The following PHKB variants were observed in gnomAD, a reference collection of about 807,000 sequenced individuals.
PHKB encodes the protein phosphorylase kinase regulatory subunit beta.
In PHKB, 122 loss-of-function variants were observed where a neutral mutation model predicts 152.1. The observed-to-expected ratio is 0.80, with a 90% CI of 0.69 to 0.93. The LOEUF is 0.93. Among genes scored for constraint, PHKB ranks in the 40% least tolerant of loss-of-function variants. The pLI, the probability that PHKB is intolerant of heterozygous loss-of-function variation, is 0.00. For synonymous variants in PHKB, 436 were observed against 464.9 expected (o/e 0.94, Z 0.80); for missense variants, 1,304 against 1,328.4 (o/e 0.98, Z 0.29).
In PHKB at chr16:47,675,210, C is replaced by T. The variant is rs115605259; in HGVS notation, c.2630+5793C>T. On this transcript the variant is annotated intron_variant, in intron 26 of 30. Transcript: ENST00000323584. ...CAGGATTTGGAACTAGTGTGAGTGACGCAGAGTTCATGCTCCCCAACCCCT... is the reference window on the plus strand; with the variant it reads ...CAGGATTTGGAACTAGTGTGAGTGATGCAGAGTTCATGCTCCCCAACCCCT... Among the ~76,000 whole-genome samples, 553 of 152,250 alleles carry T rather than the reference C, an allele frequency of 3.6e-3. 5 individuals carry two copies. Among genetic ancestry groups the T allele is most frequent in the African/African-American group, 0.013 (538 of 41,566 alleles).
At chr16:47,461,574 T>C in intron 1 of PHKB, 148 bp downstream of exon 1, 2 of 790,698 alleles carry the variant, frequency 2.5e-6, no homozygotes, top group Non-Finnish European at 4.2e-6. Context: ...CCTGGCCTTG[T>C]TTCTAATATC....
chr16:47,576,261 A>G (rs1467029904), intron 7 of PHKB, among the ~76,000 whole-genome samples: 1 of 152,170 alleles, frequency 6.6e-6, no homozygotes, highest in Non-Finnish European at 1.5e-5. Flanking sequence ...TTTGTCATAA[A>G]TAGATGTTGA....
chr16:47,692,675 CA>C (rs1326342784), intron 27 of PHKB, among the ~76,000 whole-genome samples: 6 of 151,954 alleles, frequency 3.9e-5, no homozygotes, highest in African/African-American at 1.5e-4. Flanking sequence ...TCAACTTTTG[CA>C]AGAATATTTT....
chr16:47,489,932 A>G (rs1482081460), intron 1 of PHKB, among the ~76,000 whole-genome samples: 1 of 152,056 alleles, frequency 6.6e-6, no homozygotes, highest in Non-Finnish European at 1.5e-5. Context: ...TTCCAGGTTC[A>G]TGAGGAATCA....
intron 26 of PHKB, among the ~76,000 whole-genome samples, chr16:47,682,364 A>C (rs1973876499): frequency 6.6e-6 from 1 of 152,124 alleles, no homozygotes; most frequent in African/African-American, 2.4e-5. Flanking sequence ...GTGTTTTCCA[A>C]CTTGGTTCCA....
chr16:47,608,057 A>G (rs923895370), intron 13 of PHKB, among the ~76,000 whole-genome samples: 3 of 150,574 alleles, frequency 2.0e-5, no homozygotes, highest in African/African-American at 7.3e-5. Flanking sequence ...TTATGTTGTT[A>G]TGAATTCTTT....
intron 14 of PHKB, among the ~76,000 whole-genome samples, chr16:47,629,661 A>G (rs961149779): frequency 5.9e-5 from 9 of 152,018 alleles, no homozygotes; most frequent in South Asian, 2.1e-4. Flanking sequence ...TGACCCAGCC[A>G]TCCCATTACT....
chr16:47,637,781 G>A (rs553080960), intron 14 of PHKB, among the ~76,000 whole-genome samples: 25 of 152,098 alleles, frequency 1.6e-4, no homozygotes, highest in Admixed American at 6.5e-4. Flanking sequence ...GTTTGTTCAG[G>A]TTGCTATAAC....
At chr16:47,646,476 C>A (rs112688808) in intron 16 of PHKB, among the ~76,000 whole-genome samples, 2 of 115,894 alleles carry the variant, frequency 1.7e-5, no homozygotes, top group Admixed American at 9.6e-5. Context: ...CACATGTATA[C>A]ATATGTAACT....
intron 28 of PHKB, among the ~76,000 whole-genome samples, chr16:47,695,619 T>A (rs926931224): frequency 6.6e-6 from 1 of 152,216 alleles, no homozygotes; most frequent in Non-Finnish European, 1.5e-5. Context: ...CTGTAAACTA[T>A]CACTGAGGTG....
At chr16:47,577,295 C>A (rs555229352) in intron 7 of PHKB, among the ~76,000 whole-genome samples, 2 of 152,098 alleles carry the variant, frequency 1.3e-5, no homozygotes, top group Admixed American at 1.3e-4. Flanking sequence ...TGTCTTATTA[C>A]CATTCTGAAT....
chr16:47,523,466 C>T (rs1044871894), intron 6 of PHKB, among the ~76,000 whole-genome samples: 6 of 152,178 alleles, frequency 3.9e-5, no homozygotes, highest in Admixed American at 3.9e-4. Flanking sequence ...AGTCTCCTAG[C>T]CTTTGCAGAG....
intron 7 of PHKB, among the ~76,000 whole-genome samples, chr16:47,568,476 C>T (rs934902879): frequency 1.3e-5 from 2 of 152,090 alleles, no homozygotes; most frequent in African/African-American, 4.8e-5. Context: ...TTCAAAGAAC[C>T]AACCTGTTGT....
intron 1 of PHKB, among the ~76,000 whole-genome samples, chr16:47,470,086 G>A (rs555530580): frequency 2.8e-4 from 43 of 152,244 alleles, no homozygotes; most frequent in African/African-American, 1.0e-3. Flanking sequence ...CAGTTTGGTT[G>A]GGGAGACCCT....
In PHKB at chr16:47,485,576, G is replaced by A. The variant is rs113290138; in HGVS notation, c.77-11823G>A. ...TTTCCTGAACACTGCTTCTTGGTCA[G>A]GACTTCATACATAGCAGAGCAACTT... is the stretch of plus-strand genomic sequence containing the variant. On this transcript the variant is annotated intron_variant, in intron 1 of 30. Transcript: ENST00000323584. Among the ~76,000 whole-genome samples the A allele has an allele frequency of 5.5e-4, 83 of 152,256 alleles. 2 individuals are homozygous for A. The highest frequency in any genetic ancestry group is 1.9e-3 in the African/African-American group (77 of 41,546).
intron 6 of PHKB, among the ~76,000 whole-genome samples, chr16:47,540,023 T>C (rs1208406229): frequency 6.6e-6 from 1 of 152,232 alleles, no homozygotes; most frequent in Non-Finnish European, 1.5e-5. Flanking sequence ...ATTTTACTTC[T>C]TGCAGAGAGC....
intron 1 of PHKB, among the ~76,000 whole-genome samples, chr16:47,478,354 G>A (rs1440609447): frequency 2.6e-5 from 4 of 151,974 alleles, no homozygotes; most frequent in African/African-American, 7.2e-5. Flanking sequence ...AGAGTGCAGC[G>A]ACCAATACCA....
intron 26 of PHKB, among the ~76,000 whole-genome samples, chr16:47,673,846 G>A (rs1173840099): frequency 6.6e-6 from 1 of 152,096 alleles, no homozygotes; most frequent in African/African-American, 2.4e-5. Flanking sequence ...TTTGAAGTAG[G>A]CACTAGAACC....
rs143322254 is a variant in PHKB at position 47,592,864 on chromosome 16, A to G, written c.1069-636A>G. On this transcript the variant is annotated intron_variant, in intron 10 of 30. Coordinates refer to ENST00000323584, the MANE Select transcript of PHKB (RefSeq NM_000293.3). Reference sequence around the variant, plus strand: ...GAGGAAAAATTTTTTTAAAAAAAGGACAAGGAAACTGCTTACAAAATCAGT... The same window carrying G: ...GAGGAAAAATTTTTTTAAAAAAAGGGCAAGGAAACTGCTTACAAAATCAGT... 7.6e-3 allele frequency among the ~76,000 whole-genome samples: 1,159 copies of G among 152,340 alleles called. 22 individuals are homozygous for G. Among genetic ancestry groups the G allele is most frequent in the African/African-American group, 0.027 (1,116 of 41,578 alleles).
Sources: allele counts gnomAD v4.1 joint callset (sites outside exome capture counted in the v4.1 genomes callset), GRCh38; gene constraint gnomAD v4.1.1; transcripts MANE v1.5; gene names NCBI Gene and HGNC (gene_info 2026-07-23, HGNC 2026-07-21).